The following USP30 variants were observed in gnomAD, a reference collection of about 807,000 sequenced individuals.
The protein encoded by USP30 is ubiquitin carboxyl-terminal hydrolase 30.
USP30 carries 41 observed loss-of-function variants against 68.2 expected under a neutral mutation model. That is an observed-to-expected ratio of 0.60 (90% confidence interval 0.47 to 0.78). The LOEUF (loss-of-function observed/expected upper bound fraction) is 0.78, where lower values mean the gene tolerates loss of function less well. Among genes scored for constraint, USP30 ranks in the 30% least tolerant of loss-of-function variants. The pLI, the probability that USP30 is intolerant of heterozygous loss-of-function variation, is 0.00. For synonymous variants in USP30, 229 were observed against 253.7 expected (o/e 0.90, Z 0.93); for missense variants, 522 against 649.4 (o/e 0.80, Z 2.13).
intron 2 of USP30, among the ~76,000 whole-genome samples, chr12:109,026,207 C>A (rs926219489): frequency 1.3e-5 from 2 of 152,108 alleles, no homozygotes; most frequent in Non-Finnish European, 2.9e-5. Flanking sequence ...TCCTGAGTAG[C>A]TGGGACTGCA....
intron 3 of USP30, among the ~76,000 whole-genome samples, chr12:109,064,485 T>C (rs1012861539): frequency 1.3e-5 from 2 of 152,204 alleles, no homozygotes; most frequent in African/African-American, 4.8e-5. Flanking sequence ...TTCACCATGT[T>C]GGCCAGGCTG....
At chr12:109,061,142 T>C (rs2041051777) in intron 3 of USP30, among the ~76,000 whole-genome samples, 1 of 152,048 alleles carries the variant, frequency 6.6e-6, no homozygotes, top group Non-Finnish European at 1.5e-5. Context: ...GTAACAGAAA[T>C]GTATATGATG....
At chr12:109,063,153 G>A (rs936255070) in intron 3 of USP30, among the ~76,000 whole-genome samples, 11 of 151,728 alleles carry the variant, frequency 7.2e-5, no homozygotes, top group Non-Finnish European at 1.2e-4. Context: ...AGGCTGGAGC[G>A]CAGTGGTGCG....
At chr12:109,075,830 T>G (rs1007907785) in intron 7 of USP30, among the ~76,000 whole-genome samples, 1 of 142,216 alleles carries the variant, frequency 7.0e-6, no homozygotes, top group Non-Finnish European at 1.5e-5. Flanking sequence ...TTTTTAATCA[T>G]GTTACTTTTT....
chr12:109,050,162 C>T (rs934608132), upstream of USP30, among the ~76,000 whole-genome samples: 7 of 151,954 alleles, frequency 4.6e-5, no homozygotes, highest in African/African-American at 1.7e-4. Context: ...GGCGTGGTGG[C>T]GGGAGCCTGT....
intron 7 of USP30, among the ~76,000 whole-genome samples, chr12:109,078,852 G>A (rs1010355366): frequency 4.6e-5 from 7 of 152,090 alleles, no homozygotes; most frequent in African/African-American, 1.7e-4. Context: ...TAGAACTTTG[G>A]GTTGACAGTG....
intron 3 of USP30, 91 bp downstream of exon 3, chr12:109,058,199 T>G (rs367725702): frequency 1.5e-6 from 2 of 1,317,402 alleles, no homozygotes; most frequent in East Asian, 2.3e-5. Flanking sequence ...AATACCTTAT[T>G]GTAGGAAAAG....
chr12:109,082,113 TC>T, intron 9 of USP30, 94 bp downstream of exon 9: 1 of 1,328,482 alleles, frequency 7.5e-7, no homozygotes, highest in Non-Finnish European at 1.1e-6. Context: ...TCTGACTGTA[TC>T]CAGTGGGTCT....
At chr12:109,067,343 T>A (rs1163215439) in intron 3 of USP30, among the ~76,000 whole-genome samples, 181 bp from the exon 4 acceptor site, 2 of 151,942 alleles carry the variant, frequency 1.3e-5, no homozygotes, top group Non-Finnish European at 2.9e-5. Context: ...GATCTGGATC[T>A]CCTGACCTTG....
chr12:109,028,819 A>T (rs2040462288), intron 3 of USP30, among the ~76,000 whole-genome samples: 1 of 152,144 alleles, frequency 6.6e-6, no homozygotes, highest in Non-Finnish European at 1.5e-5. Context: ...GAACTTACTC[A>T]TCACCACAGC....
intron 1 of USP30, among the ~76,000 whole-genome samples, chr12:109,023,447 C>G (rs2040421281): frequency 6.6e-6 from 1 of 151,846 alleles, no homozygotes; most frequent in African/African-American, 2.4e-5. Flanking sequence ...CCCAGCTACT[C>G]GAGAGGCTGA....
chr12:109,079,250 T>G (rs1566103430), intron 7 of USP30, among the ~76,000 whole-genome samples: 1 of 151,852 alleles, frequency 6.6e-6, no homozygotes, highest in African/African-American at 2.4e-5. Flanking sequence ...TCTTCAATCT[T>G]TCTTCTGTGT....
intron 3 of USP30, among the ~76,000 whole-genome samples, chr12:109,038,608 C>T (rs985694087): frequency 6.6e-6 from 1 of 152,054 alleles, no homozygotes; most frequent in African/African-American, 2.4e-5. Context: ...GCTTATATTT[C>T]CCTTTCTCTT....
intron 3 of USP30, among the ~76,000 whole-genome samples, chr12:109,030,386 C>CA: frequency 6.6e-6 from 1 of 152,282 alleles, no homozygotes; most frequent in Middle Eastern, 3.4e-3. Context: ...GTCAAACTCC[C>CA]ACTATAAGCA....
intron 2 of USP30, among the ~76,000 whole-genome samples, chr12:109,027,107 T>C (rs1457420519): frequency 1.3e-5 from 2 of 152,200 alleles, no homozygotes; most frequent in African/African-American, 4.8e-5. Context: ...CTATGTATCA[T>C]AAAGTTTGAA....
At chr12:109,081,617 A>ACG (rs2041797646) in intron 8 of USP30, 1 of 497,034 alleles carries the variant, frequency 2.0e-6, no homozygotes, top group Non-Finnish European at 3.5e-6. Context: ...ACACGCACGC[A>ACG]TGCGCGCACA....
At chr12:109,058,205 A>ATCTTTTCCT in intron 3 of USP30, 97 bp downstream of exon 3, 2 of 1,270,214 alleles carry the variant, frequency 1.6e-6, no homozygotes, top group Non-Finnish European at 1.1e-6. Flanking sequence ...TTATTGTAGG[A>ATCTTTTCCT]AAAGATCATA....
At chr12:109,050,794 G>T (rs1250564349), upstream of USP30, among the ~76,000 whole-genome samples, 1 of 151,878 alleles carries the variant, frequency 6.6e-6, no homozygotes, top group African/African-American at 2.4e-5. Flanking sequence ...GGATCACGAG[G>T]TCAGGAGTTC....
intron 7 of USP30, among the ~76,000 whole-genome samples, chr12:109,080,786 T>C (rs1326590385): frequency 1.3e-5 from 2 of 152,236 alleles, no homozygotes; most frequent in East Asian, 3.8e-4. Flanking sequence ...GATACACAAG[T>C]ACTGCCCACT....
Sources: allele counts gnomAD v4.1 joint callset (sites outside exome capture counted in the v4.1 genomes callset), GRCh38; gene constraint gnomAD v4.1.1; transcripts MANE v1.5; gene names NCBI Gene and HGNC (gene_info 2026-07-23, HGNC 2026-07-21).